Variants in CTNNA3 observed in about 807,000 individuals in gnomAD.
CTNNA3 encodes the protein catenin alpha-3.
CTNNA3 carries 76 observed loss-of-function variants against 95.7 expected under a neutral mutation model. The ratio of observed to expected loss-of-function variants is 0.79; its 90% CI spans 0.66 to 0.96. The LOEUF is 0.96. Ranked by LOEUF, CTNNA3 falls within the 40% of genes least tolerant of loss-of-function variation. The pLI, the probability that CTNNA3 is intolerant of heterozygous loss-of-function variation, is 0.00. For missense variants in CTNNA3, 1,191 were observed against 1,089.8 expected (o/e 1.09, Z -1.31); for synonymous variants, 431 against 374.4 (o/e 1.15, Z -1.74).
chr10:66,767,165 G>A (rs1286475663), intron 8 of CTNNA3, among the ~76,000 whole-genome samples: 3 of 151,546 alleles, frequency 2.0e-5, no homozygotes, highest in Non-Finnish European at 3.0e-5. Flanking sequence ...TCATAATATC[G>A]GGCCAGGCAC....
Position 66,334,565 on chromosome 10 carries a change from C to G in CTNNA3, c.1732+44587G>C, listed in dbSNP as rs183309957. Among the ~76,000 whole-genome samples the G allele has an allele frequency of 5.0e-3, 755 of 152,254 alleles. 10 individuals are homozygous for G. The highest frequency in any genetic ancestry group is 7.8e-3 in the Non-Finnish European group (531 of 67,978). ...TAATAATGTTGAATATTGGCCCCCA[C>G]TCTCTTCTGGCTTGTAGAGTTTCTG... is the stretch of plus-strand genomic sequence containing the variant. On this transcript the variant is annotated intron_variant, in intron 12 of 17. Transcript: ENST00000433211.
At chr10:65,929,661 C>T (rs749756820) in intron 17 of CTNNA3, among the ~76,000 whole-genome samples, 35 of 151,598 alleles carry the variant, frequency 2.3e-4, no homozygotes, top group Non-Finnish European at 4.7e-4. Flanking sequence ...CTCCACCTTC[C>T]GGGTTCACGC....
chr10:67,375,600 C>T (rs1843657906), intron 5 of CTNNA3, among the ~76,000 whole-genome samples: 2 of 151,156 alleles, frequency 1.3e-5, no homozygotes, highest in Non-Finnish European at 2.9e-5. Flanking sequence ...AAGACTCTGT[C>T]TCAAAAAAAA....
intron 13 of CTNNA3, among the ~76,000 whole-genome samples, chr10:66,272,028 C>T (rs568085009): frequency 7.8e-4 from 119 of 152,284 alleles, no homozygotes; most frequent in South Asian, 5.4e-3. Flanking sequence ...TGCCAGCAGG[C>T]GTTCCAAGGT....
chr10:66,513,813 T>C (rs1199799251), intron 11 of CTNNA3, among the ~76,000 whole-genome samples: 1 of 152,192 alleles, frequency 6.6e-6, no homozygotes, highest in Non-Finnish European at 1.5e-5. Flanking sequence ...TGGATTTCTA[T>C]GTCCTGGGGA....
chr10:66,631,028 G>A (rs1021010065), intron 9 of CTNNA3, among the ~76,000 whole-genome samples: 1 of 152,182 alleles, frequency 6.6e-6, no homozygotes, highest in African/African-American at 2.4e-5. Context: ...CAAGAAGATA[G>A]AGGTAGGTGA....
chr10:67,478,651 A>T (rs976434725), intron 5 of CTNNA3, among the ~76,000 whole-genome samples: 1 of 152,078 alleles, frequency 6.6e-6, no homozygotes, highest in African/African-American at 2.4e-5. Flanking sequence ...TGGAAATGAA[A>T]GAACAATAAC....
At chr10:67,146,532 TA>T (rs1860852330) in intron 7 of CTNNA3, among the ~76,000 whole-genome samples, 1 of 152,188 alleles carries the variant, frequency 6.6e-6, no homozygotes, top group Non-Finnish European at 1.5e-5. Flanking sequence ...TCTCAGAGAA[TA>T]AATGAAATTG....
rs140609154 is a variant in CTNNA3 at position 66,520,092 on chromosome 10, A to G, written c.1531+525T>C. On this transcript the variant is annotated intron_variant, in intron 11 of 17. Coordinates refer to ENST00000433211, the MANE Select transcript of CTNNA3 (RefSeq NM_013266.4). ...TTATAGACTCAGTGTAAATTGTTAA[A>G]TTTAAAAAGATTACAAGAGGTCAGG... is the stretch of plus-strand genomic sequence containing the variant. 4.0e-3 allele frequency among the ~76,000 whole-genome samples: 605 copies of G among 152,174 alleles called. 5 individuals carry two copies. Among genetic ancestry groups the G allele is most frequent in the African/African-American group, 0.014 (582 of 41,524 alleles).
rs187541395 is a variant in CTNNA3, at chr10:66,655,721, G to A, written c.1282-33937C>T. On this transcript the variant is annotated intron_variant, in intron 9 of 17. Coordinates refer to ENST00000433211, the MANE Select transcript of CTNNA3 (RefSeq NM_013266.4). ...GATTTTAGGTTTGAGAGGGTGAAGC[G>A]GGTGAAAGCACTGCAGAGACACTGA... Among the ~76,000 whole-genome samples, 368 of 152,100 alleles carry A rather than the reference G, an allele frequency of 2.4e-3. 1 individual carries two copies. Among genetic ancestry groups the A allele is most frequent in the African/African-American group, 7.5e-3 (311 of 41,540 alleles).
chr10:66,970,036 G>A (rs7913735), intron 7 of CTNNA3, among the ~76,000 whole-genome samples: 9 of 152,090 alleles, frequency 5.9e-5, no homozygotes, highest in African/African-American at 9.7e-5. Flanking sequence ...GAGTCAAGGC[G>A]AGTTCCATAG....
intron 17 of CTNNA3, among the ~76,000 whole-genome samples, chr10:65,934,273 G>C (rs189224927): frequency 6.6e-6 from 1 of 152,238 alleles, no homozygotes; most frequent in Admixed American, 6.5e-5. Context: ...CAGTCTCTTA[G>C]ATGAGGTTCC....
In CTNNA3 at chr10:66,849,549, A is replaced by G. The variant is rs182453207; in HGVS notation, c.1048-74025T>C. Among the ~76,000 whole-genome samples, 209 of 152,288 alleles carry G rather than the reference A, an allele frequency of 1.4e-3. 1 individual carries two copies. Among genetic ancestry groups the G allele is most frequent in the African/African-American group, 4.9e-3 (204 of 41,564 alleles). ...TTAATCAATCAAAGTAAGAATCTAG[A>G]TGAGGTCATACTGGATTGGAGTGGG... is the stretch of plus-strand genomic sequence containing the variant. On this transcript the variant is annotated intron_variant, in intron 7 of 17. Coordinates refer to ENST00000433211, the MANE Select transcript of CTNNA3 (RefSeq NM_013266.4).
intron 10 of CTNNA3, among the ~76,000 whole-genome samples, chr10:66,566,302 G>A (rs1208945685): frequency 2.0e-5 from 3 of 152,126 alleles, no homozygotes; most frequent in Non-Finnish European, 4.4e-5. Flanking sequence ...TGACTGATGG[G>A]GGAGTGGCAA....
intron 10 of CTNNA3, among the ~76,000 whole-genome samples, chr10:66,548,815 G>T (rs190461391): frequency 4.4e-4 from 66 of 151,636 alleles, no homozygotes; most frequent in Non-Finnish European, 9.0e-4. Context: ...TTTCTAGTTG[G>T]TCATAACATA....
intron 7 of CTNNA3, among the ~76,000 whole-genome samples, chr10:66,978,960 C>T (rs57596372): frequency 2.6e-4 from 22 of 83,794 alleles, no homozygotes; most frequent in African/African-American, 9.9e-4. Context: ...TACTTATTTC[C>T]TTTTTTTTTT....
intron 15 of CTNNA3, among the ~76,000 whole-genome samples, chr10:65,996,011 A>T (rs1006216851): frequency 1.3e-5 from 2 of 152,186 alleles, no homozygotes; most frequent in African/African-American, 2.4e-5. Context: ...GGGTGGTGGC[A>T]GCAATGACAG....
At chr10:67,612,986 A>G (rs1393445926) in intron 2 of CTNNA3, among the ~76,000 whole-genome samples, 2 of 152,206 alleles carry the variant, frequency 1.3e-5, no homozygotes, top group Non-Finnish European at 2.9e-5. Flanking sequence ...TTGAAAATGT[A>G]AATCTCTCAT....
At chr10:66,417,135 C>A (rs4746580) in intron 11 of CTNNA3, among the ~76,000 whole-genome samples, 1 of 151,738 alleles carries the variant, frequency 6.6e-6, no homozygotes, top group Admixed American at 6.6e-5. Flanking sequence ...TACATGCCAC[C>A]TACAAGAAAC....
Sources: allele counts gnomAD v4.1 joint callset (sites outside exome capture counted in the v4.1 genomes callset), GRCh38; gene constraint gnomAD v4.1.1; transcripts MANE v1.5; gene names NCBI Gene and HGNC (gene_info 2026-07-23, HGNC 2026-07-21).